The following NTM variants were observed in gnomAD, a reference collection of about 807,000 sequenced individuals.
NTM encodes the protein IgLON family member 2.
NTM carries 13 observed loss-of-function variants against 42.1 expected under a neutral mutation model. The observed-to-expected ratio is 0.31, with a 90% CI of 0.20 to 0.49. The LOEUF (loss-of-function observed/expected upper bound fraction) is 0.49. NTM is among the 20% of genes least tolerant of loss of function. The pLI is 0.99. For missense variants in NTM, 373 were observed against 452.8 expected (o/e 0.82, Z 1.60); for synonymous variants, 187 against 179.2 (o/e 1.04, Z -0.35).
chr11:132,067,270 T>C (rs2056654833), intron 2 of NTM, among the ~76,000 whole-genome samples: 1 of 152,260 alleles, frequency 6.6e-6, no homozygotes, highest in South Asian at 2.1e-4. Flanking sequence ...GAATATTTTT[T>C]AGCCTCTCAC....
At chr11:132,170,560 A>C (rs950922369) in intron 3 of NTM, among the ~76,000 whole-genome samples, 1 of 152,236 alleles carries the variant, frequency 6.6e-6, no homozygotes, top group Admixed American at 6.5e-5. Context: ...ATTAAGAGCT[A>C]TGAATTTTGA....
At chr11:131,408,533 C>A (rs1415748959) in intron 1 of NTM, among the ~76,000 whole-genome samples, 1 of 152,118 alleles carries the variant, frequency 6.6e-6, no homozygotes, top group Admixed American at 6.5e-5. Flanking sequence ...AATGATCAGC[C>A]TTTGGGCAAA....
intron 1 of NTM, among the ~76,000 whole-genome samples, chr11:131,554,656 T>A (rs2055160100): frequency 6.6e-6 from 1 of 152,116 alleles, no homozygotes; most frequent in Admixed American, 6.6e-5. Flanking sequence ...CCATCTCAGA[T>A]AATTCACAGG....
At chr11:132,325,268 T>C (rs1375693390) in intron 7 of NTM, among the ~76,000 whole-genome samples, 1 of 149,826 alleles carries the variant, frequency 6.7e-6, no homozygotes. Context: ...CGCAACCTAC[T>C]CATCTGACAA....
chr11:131,409,929 G>A lies in NTM; in HGVS notation c.82+39041G>A, dbSNP rs556167702. On this transcript the variant is annotated intron_variant, in intron 1 of 8. Transcript: ENST00000683400. The stretch of plus-strand genomic sequence containing the variant: ...GTTAGCAGCAGCCTCCCATGGCACA[G>A]CATCTCAGCAATTAATACAAAAAAG... Among the ~76,000 whole-genome samples, 38 of 152,274 alleles carry A rather than the reference G, an allele frequency of 2.5e-4. 2 individuals carry two copies. In the South Asian group the frequency reaches 7.9e-3, roughly 32 times the overall value.
chr11:131,471,185 A>G (rs1055311233), intron 1 of NTM, among the ~76,000 whole-genome samples: 6 of 152,242 alleles, frequency 3.9e-5, no homozygotes, highest in African/African-American at 1.4e-4. Flanking sequence ...GCCTCAACCC[A>G]GATAACTCCA....
intron 1 of NTM, among the ~76,000 whole-genome samples, chr11:131,416,295 G>A (rs1448700454): frequency 6.6e-6 from 1 of 151,998 alleles, no homozygotes; most frequent in African/African-American, 2.4e-5. Context: ...AAAACCAGGG[G>A]GAGAGAGGAA....
At chr11:131,971,501 A>G (rs963920817) in intron 2 of NTM, among the ~76,000 whole-genome samples, 5 of 152,152 alleles carry the variant, frequency 3.3e-5, no homozygotes, top group African/African-American at 1.2e-4. Context: ...GTGTCAGTAG[A>G]TATTGAAGAT....
At chr11:131,373,248 T>A (rs1203358611) in intron 1 of NTM, among the ~76,000 whole-genome samples, 1 of 152,200 alleles carries the variant, frequency 6.6e-6, no homozygotes, top group East Asian at 1.9e-4. Context: ...TTGCCTGCAA[T>A]AATCCACCCC....
chr11:132,281,062 A>G (rs1591712233), intron 4 of NTM, among the ~76,000 whole-genome samples: 1 of 152,270 alleles, frequency 6.6e-6, no homozygotes, highest in East Asian at 1.9e-4. Flanking sequence ...ATGAGCATAA[A>G]TGTTCATTTA....
At chr11:131,806,966 C>T (rs1436259) in intron 1 of NTM, among the ~76,000 whole-genome samples, 5,195 of 152,166 alleles carry the variant, frequency 0.034, 299 homozygotes, top group African/African-American at 0.12. Context: ...CTGCTGGGAG[C>T]TCACAGTGAA....
intron 1 of NTM, among the ~76,000 whole-genome samples, chr11:131,756,950 C>T (rs1053677298): frequency 7.2e-5 from 11 of 152,156 alleles, no homozygotes; most frequent in African/African-American, 2.7e-4. Flanking sequence ...GAAACGGGAT[C>T]CAGCAATTTT....
intron 4 of NTM, among the ~76,000 whole-genome samples, chr11:132,271,717 T>C (rs2093487582): frequency 1.3e-5 from 2 of 150,254 alleles, no homozygotes; most frequent in Non-Finnish European, 3.0e-5. Flanking sequence ...TTTAGAACTT[T>C]AGCCCATTTT....
At chr11:131,374,586 G>GGT (rs1941714051) in intron 1 of NTM, among the ~76,000 whole-genome samples, 1 of 152,156 alleles carries the variant, frequency 6.6e-6, no homozygotes, top group Non-Finnish European at 1.5e-5. Context: ...AGTGTCTTCA[G>GGT]GTGTGTCTCT....
At chr11:131,799,575 G>A (rs1035950756) in intron 1 of NTM, among the ~76,000 whole-genome samples, 2 of 152,148 alleles carry the variant, frequency 1.3e-5, no homozygotes, top group Non-Finnish European at 2.9e-5. Flanking sequence ...CTTTGGGTTT[G>A]GAGCCAGCCA....
At chr11:131,729,897 A>G (rs990651119) in intron 1 of NTM, among the ~76,000 whole-genome samples, 2 of 151,138 alleles carry the variant, frequency 1.3e-5, no homozygotes, top group Admixed American at 1.3e-4. Context: ...GAAAGCATCT[A>G]TGAACATTTA....
intron 2 of NTM, among the ~76,000 whole-genome samples, chr11:132,110,073 T>C (rs2062961386): frequency 6.6e-6 from 1 of 152,218 alleles, no homozygotes; most frequent in African/African-American, 2.4e-5. Context: ...CCCAATGCCC[T>C]GTGTGTTGTC....
chr11:132,310,304 C>T, intron 6 of NTM, 72 bp downstream of exon 6: 1 of 1,438,282 alleles, frequency 7.0e-7, no homozygotes, highest in Non-Finnish European at 9.3e-7. Flanking sequence ...GTCCTGATTC[C>T]ACATTGTTGC....
chr11:131,458,503 C>T lies in NTM; in HGVS notation c.82+87615C>T, dbSNP rs1377825850. ...AATTCATCTGTTCTCATTTACCTTC[C>T]CTCAGCCTCTCTCCCTACCCAACTG... On this transcript the variant is annotated intron_variant, in intron 1 of 8. Coordinates refer to ENST00000683400, the MANE Select transcript of NTM (RefSeq NM_001352005.2). Among the ~76,000 whole-genome samples, 4 of 152,274 alleles carry T rather than the reference C, an allele frequency of 2.6e-5. No homozygotes were observed. In the East Asian group the frequency reaches 7.7e-4, roughly 29 times the overall value.
Sources: allele counts gnomAD v4.1 joint callset (sites outside exome capture counted in the v4.1 genomes callset), GRCh38; gene constraint gnomAD v4.1.1; transcripts MANE v1.5; gene names NCBI Gene and HGNC (gene_info 2026-07-23, HGNC 2026-07-21).